Variants in HSPA12A observed in about 807,000 individuals in gnomAD.
HSPA12A encodes the protein heat shock protein family A (Hsp70) member 12A, also known as heat shock 70 kDa protein 12A.
A neutral mutation model predicts 69.2 loss-of-function variants in HSPA12A; 28 were observed. That is an observed-to-expected ratio of 0.40 (90% CI 0.30 to 0.55). HSPA12A has a LOEUF of 0.55. Ranked by LOEUF, HSPA12A falls within the 20% of genes least tolerant of loss-of-function variation. The pLI, the probability that HSPA12A is intolerant of heterozygous loss-of-function variation, is 0.38. For missense variants in HSPA12A, 686 were observed against 900.7 expected (o/e 0.76, Z 3.05); for synonymous variants, 345 against 370.5 (o/e 0.93, Z 0.79).
intron 2 of HSPA12A, among the ~76,000 whole-genome samples, chr10:116,793,549 T>G (rs1443118540): frequency 6.6e-6 from 1 of 150,814 alleles, no homozygotes; most frequent in Non-Finnish European, 1.5e-5. Flanking sequence ...CTAACCTGGG[T>G]GACAGAGCAA....
At chr10:116,812,639 G>A (rs889059628) in intron 2 of HSPA12A, among the ~76,000 whole-genome samples, 4 of 151,850 alleles carry the variant, frequency 2.6e-5, no homozygotes, top group African/African-American at 9.7e-5. Flanking sequence ...GGAGAGCTGT[G>A]GAGATGACCA....
chr10:116,741,331 A>G (rs1851498720), intron 1 of HSPA12A, among the ~76,000 whole-genome samples: 2 of 152,264 alleles, frequency 1.3e-5, no homozygotes, highest in Middle Eastern at 3.4e-3. Context: ...CTGCCACTGG[A>G]CTCAGTTTCT....
In HSPA12A at chr10:116,674,969, T is replaced by C; in HGVS notation, c.1840A>G (p.Thr614Ala). 3 of 1,613,998 alleles carry C rather than the reference T, an allele frequency of 1.9e-6. No individual in the cohort carries two copies. Among genetic ancestry groups the C allele is most frequent in the Non-Finnish European group, 2.5e-6 (3 of 1,179,994 alleles). Residue 614 changes from threonine (T) to alanine (A), a missense_variant, in exon 12 of 12, where the codon ACT (threonine) becomes GCT (alanine). Transcript: ENST00000369209. ...SSEHDNVSFI[T>A]DPGVKKCGTL... is the part of the protein sequence containing the mutation. The stretch of plus-strand genomic sequence containing the variant: ...CCACACTTCTTCACCCCGGGATCAG[T>C]GATGAAGCTGACGTTGTCGTGCTCA...
At chr10:116,797,776 C>G (rs1844862862) in intron 2 of HSPA12A, among the ~76,000 whole-genome samples, 1 of 151,708 alleles carries the variant, frequency 6.6e-6, no homozygotes, top group African/African-American at 2.4e-5. Context: ...GGGATGAACA[C>G]ATGAACACAC....
intron 2 of HSPA12A, among the ~76,000 whole-genome samples, chr10:116,762,076 T>G (rs1296802131): frequency 6.6e-6 from 1 of 152,238 alleles, no homozygotes. Context: ...TCCTTTCACA[T>G]GCTAGGCACT....
intron 2 of HSPA12A, chr10:116,834,861 C>T (rs1027738514): frequency 1.8e-5 from 15 of 812,712 alleles, no homozygotes; most frequent in African/African-American, 1.4e-4. Flanking sequence ...TAGTCCCTCT[C>T]GACAGGAATG....
chr10:116,837,021 T>C (rs952800947), intron 1 of HSPA12A, among the ~76,000 whole-genome samples: 28 of 152,172 alleles, frequency 1.8e-4, no homozygotes, highest in African/African-American at 2.4e-5. Context: ...GAGGAATTGA[T>C]GCCTTAATTG....
intron 1 of HSPA12A, among the ~76,000 whole-genome samples, chr10:116,734,325 C>A (rs1306257386): frequency 6.6e-6 from 1 of 152,022 alleles, no homozygotes; most frequent in African/African-American, 2.4e-5. Context: ...TGGCACACAC[C>A]TGTAGTCCCA....
chr10:116,844,023 A>G (rs1845842869), intron 1 of HSPA12A, among the ~76,000 whole-genome samples: 1 of 152,210 alleles, frequency 6.6e-6, no homozygotes, highest in Non-Finnish European at 1.5e-5. Flanking sequence ...CCAAGTGAGC[A>G]ACTCAACTGA....
intron 5 of HSPA12A, among the ~76,000 whole-genome samples, chr10:116,693,097 C>T (rs1486523405): frequency 6.6e-6 from 1 of 152,154 alleles, no homozygotes; most frequent in Admixed American, 6.5e-5. Context: ...AGTTGTTACA[C>T]GTGGTCCCAT....
chr10:116,799,105 C>T (rs781342945), intron 2 of HSPA12A, among the ~76,000 whole-genome samples: 7 of 152,088 alleles, frequency 4.6e-5, no homozygotes, highest in African/African-American at 9.7e-5. Flanking sequence ...GTGTCACTGA[C>T]GGAGGATTAA....
At position 116,798,805 on chromosome 10, in the gene HSPA12A, C is replaced by T. The variant is rs567176379; in HGVS notation, c.91+36130G>A. Among the ~76,000 whole-genome samples, 93 of 152,302 alleles carry T rather than the reference C, an allele frequency of 6.1e-4. No homozygotes were observed. The South Asian group carries it at 0.019, about 31-fold the overall frequency. On this transcript the variant is annotated intron_variant, in intron 2 of 12. Transcript: ENST00000635765. ...AATCCACTCCCAAATTGGCCCACCT[C>T]TTTGAACTGGAACTAAATCCATACG... is the stretch of plus-strand genomic sequence containing the variant.
intron 1 of HSPA12A, among the ~76,000 whole-genome samples, chr10:116,718,393 G>A (rs1225950220): frequency 6.6e-6 from 1 of 152,200 alleles, no homozygotes. Flanking sequence ...ATGAGAGAGA[G>A]ATACACCATC....
intron 1 of HSPA12A, among the ~76,000 whole-genome samples, chr10:116,721,299 G>A (rs1317691823): frequency 6.6e-6 from 1 of 152,236 alleles, no homozygotes; most frequent in East Asian, 1.9e-4. Flanking sequence ...TTCCTCCTGG[G>A]GACCGAATTT....
exon 1 of HSPA12A, chr10:116,849,599 G>T: frequency 1.9e-6 from 3 of 1,548,544 alleles, no homozygotes; most frequent in Non-Finnish European, 2.6e-6. Context: ...GCAGCTGTGG[G>T]ACCACTAGGG....
At chr10:116,779,553 G>A (rs1844417113) in intron 2 of HSPA12A, among the ~76,000 whole-genome samples, 1 of 152,182 alleles carries the variant, frequency 6.6e-6, no homozygotes, top group African/African-American at 2.4e-5. Flanking sequence ...CCCTTTGCCA[G>A]GAGACAGGGA....
At chr10:116,810,845 C>T (rs74399829) in intron 2 of HSPA12A, among the ~76,000 whole-genome samples, 1,626 of 152,272 alleles carry the variant, frequency 0.011, 21 homozygotes, top group African/African-American at 0.032. Flanking sequence ...CTGAGACCCA[C>T]GGTAATTTAG....
At chr10:116,850,259 A>G (rs1589743529), upstream of HSPA12A, 2 of 183,060 alleles carry the variant, frequency 1.1e-5, no homozygotes, top group Admixed American at 5.8e-5. Flanking sequence ...CCTAAACTCC[A>G]AAATTCAGAC....
At chr10:116,822,570 G>A (rs1845425350) in intron 2 of HSPA12A, among the ~76,000 whole-genome samples, 1 of 152,186 alleles carries the variant, frequency 6.6e-6, no homozygotes, top group Non-Finnish European at 1.5e-5. Context: ...CAATGGGGTT[G>A]ACATGAATTT....
Sources: gnomAD v4.1 joint callset for allele counts (sites outside exome capture counted in the v4.1 genomes callset) on GRCh38, gnomAD v4.1.1 for gene constraint, MANE v1.5 for transcripts, NCBI Gene and HGNC (gene_info 2026-07-23, HGNC 2026-07-21) for gene names.